The following COLEC10 variants were observed in gnomAD, a reference collection of about 807,000 sequenced individuals.
COLEC10 encodes the protein collectin-10.
A neutral mutation model predicts 28.4 loss-of-function variants in COLEC10; 22 were observed. The ratio of observed to expected loss-of-function variants is 0.78; its 90% CI spans 0.55 to 1.11. The LOEUF (loss-of-function observed/expected upper bound fraction) is 1.11. COLEC10 is among the 50% of genes least tolerant of loss of function. COLEC10 has a pLI of 0.00. For synonymous variants in COLEC10, 125 were observed against 116.1 expected (o/e 1.08, Z -0.49); for missense variants, 361 against 344.1 (o/e 1.05, Z -0.39).
intron 2 of COLEC10, among the ~76,000 whole-genome samples, chr8:119,040,983 C>A (rs569634693): frequency 3.9e-5 from 6 of 152,306 alleles, no homozygotes; most frequent in Admixed American, 2.0e-4. Context: ...AAAAAAAGAA[C>A]AAGGCACATG....
chr8:119,066,331 G>T (rs1814955796), upstream of COLEC10, among the ~76,000 whole-genome samples: 1 of 152,138 alleles, frequency 6.6e-6, no homozygotes, highest in South Asian at 2.1e-4. Flanking sequence ...TTATAGGTTT[G>T]TGGAATAGAT....
chr8:118,970,120 C>T, the COLEC10 span, among the ~76,000 whole-genome samples: 1 of 152,114 alleles, frequency 6.6e-6, no homozygotes, highest in Admixed American at 6.6e-5. Context: ...ATGAGCATTA[C>T]CTATCATCTA....
At chr8:118,968,609 A>G in the COLEC10 span, among the ~76,000 whole-genome samples, 1 of 129,502 alleles carries the variant, frequency 7.7e-6, no homozygotes, top group Non-Finnish European at 1.8e-5. Flanking sequence ...ACGTATATGT[A>G]TGTATATGTA....
chr8:119,042,644 G>A (rs1274175596), intron 2 of COLEC10, among the ~76,000 whole-genome samples: 1 of 152,126 alleles, frequency 6.6e-6, no homozygotes, highest in African/African-American at 2.4e-5. Context: ...TGTGCCAGTA[G>A]GAGTTAGATT....
chr8:118,964,431 A>G, the COLEC10 span, among the ~76,000 whole-genome samples: 2 of 152,194 alleles, frequency 1.3e-5, no homozygotes, highest in African/African-American at 4.8e-5. Flanking sequence ...TAAACTCTCC[A>G]GTCCTCAGTA....
upstream of COLEC10, among the ~76,000 whole-genome samples, chr8:119,064,507 G>C (rs1459291018): frequency 6.6e-6 from 1 of 152,164 alleles, no homozygotes; most frequent in Non-Finnish European, 1.5e-5. Flanking sequence ...ATAGAATTTA[G>C]AAACAATGTT....
chr8:119,064,300 A>G (rs1167690921), upstream of COLEC10, among the ~76,000 whole-genome samples: 1 of 152,168 alleles, frequency 6.6e-6, no homozygotes, highest in Non-Finnish European at 1.5e-5. Flanking sequence ...TTGAGTAAAA[A>G]AAGGAGGGGG....
intron 2 of COLEC10, among the ~76,000 whole-genome samples, chr8:119,055,914 C>T (rs1814752475): frequency 6.6e-6 from 1 of 152,016 alleles, no homozygotes; most frequent in South Asian, 2.1e-4. Flanking sequence ...TTAATTACGA[C>T]TGATATGTAG....
At chr8:119,099,777 C>T (rs1815787524) in intron 3 of COLEC10, among the ~76,000 whole-genome samples, 2 of 152,192 alleles carry the variant, frequency 1.3e-5, no homozygotes, top group Admixed American at 1.3e-4. Flanking sequence ...CTCTGATCCA[C>T]ACCATCTTTT....
At chr8:119,014,149 T>C (rs1306015904) in intron 2 of COLEC10, among the ~76,000 whole-genome samples, 1 of 150,782 alleles carries the variant, frequency 6.6e-6, no homozygotes, top group Non-Finnish European at 1.5e-5. Context: ...TTATCCTCAC[T>C]TATTCTTTTT....
intron 2 of COLEC10, among the ~76,000 whole-genome samples, chr8:119,042,969 G>GA (rs1367284828): frequency 5.3e-5 from 8 of 151,670 alleles, no homozygotes; most frequent in Non-Finnish European, 7.4e-5. Flanking sequence ...CACAGAAGGA[G>GA]AAAAAAAACC....
the COLEC10 span, among the ~76,000 whole-genome samples, chr8:118,984,786 A>C: frequency 1.3e-5 from 2 of 152,132 alleles, no homozygotes; most frequent in Non-Finnish European, 2.9e-5. Flanking sequence ...GGCAATTTAC[A>C]AAGAAAAGAG....
At chr8:119,053,153 G>C (rs1349253048) in intron 2 of COLEC10, among the ~76,000 whole-genome samples, 1 of 152,084 alleles carries the variant, frequency 6.6e-6, no homozygotes, top group East Asian at 1.9e-4. Context: ...GAAAAATGCT[G>C]CATAAAACTG....
At chr8:118,966,828 G>T in the COLEC10 span, among the ~76,000 whole-genome samples, 1 of 152,032 alleles carries the variant, frequency 6.6e-6, no homozygotes, top group African/African-American at 2.4e-5. Flanking sequence ...AGGAAAAGGG[G>T]CCGCAAAGGA....
chr8:119,067,392 A>C lies in COLEC10; in HGVS notation c.111A>C (p.Glu37Asp). ...GLDIDSRPTA[E>D]VCATHTISPG... Reference sequence around the variant, plus strand: ...ATATTGATAGCCGTCCTACCGCTGAAGTCTGTGCCACACACACAATTTCAC... The same window carrying C: ...ATATTGATAGCCGTCCTACCGCTGACGTCTGTGCCACACACACAATTTCAC... The change falls in exon 1 of 6, where the codon GAA (glutamate) becomes GAC (aspartate). Residue 37 changes from glutamate (E) to aspartate (D), a missense_variant. Physicochemically the swap from Glu to Asp is conservative, Grantham distance 45 (BLOSUM62 2). Around this residue, in one of 3 missense-constraint regions of COLEC10, gnomAD observed 335 missense variants for 308.5 expected, o/e 1.09. Coordinates refer to ENST00000332843, the MANE Select transcript of COLEC10 (RefSeq NM_006438.5). 6.2e-7 allele frequency: 1 copy of C among 1,614,066 alleles called. No individual in the cohort carries two copies. The highest frequency in any genetic ancestry group is 8.5e-7 in the Non-Finnish European group (1 of 1,179,954).
At position 119,037,305 on chromosome 8, in the gene COLEC10, G is replaced by A. The variant is rs117634241; in HGVS notation, n.235+27752G>A. On this transcript the variant is annotated intron_variant and non_coding_transcript_variant, in intron 2 of 6. Transcript: ENST00000521788. ...TCTAACTTATTCATCACACTTTTAC[G>A]GAACACAGAACAGTGCCTGACACAT... 9.2e-4 allele frequency among the ~76,000 whole-genome samples: 140 copies of A among 152,136 alleles called. 4 individuals are homozygous for A. The East Asian group carries it at 0.02, about 22-fold the overall frequency.
intron 2 of COLEC10, among the ~76,000 whole-genome samples, chr8:119,057,050 C>T (rs1344939085): frequency 6.6e-6 from 1 of 152,018 alleles, no homozygotes; most frequent in African/African-American, 2.4e-5. Context: ...TAAAATCCTG[C>T]TGATATGGTT....
At chr8:118,986,538 G>A in the COLEC10 span, among the ~76,000 whole-genome samples, 1 of 151,942 alleles carries the variant, frequency 6.6e-6, no homozygotes, top group Non-Finnish European at 1.5e-5. Context: ...ACAGTGCTAA[G>A]GAAAATAAAT....
At chr8:119,094,311 T>C (rs1815668869) in intron 3 of COLEC10, among the ~76,000 whole-genome samples, 2 of 152,134 alleles carry the variant, frequency 1.3e-5, no homozygotes, top group Non-Finnish European at 2.9e-5. Context: ...AGAGGTATAG[T>C]CTCAAAATTG....
Sources: gnomAD v4.1 joint callset for allele counts (sites outside exome capture counted in the v4.1 genomes callset) on GRCh38, gnomAD v4.1.1 for gene constraint, gnomAD v4.1.1 regional missense constraint, MANE v1.5 for transcripts, NCBI Gene and HGNC (gene_info 2026-07-23, HGNC 2026-07-21) for gene names.